The following EXOC2 variants were observed in gnomAD, a reference collection of about 807,000 sequenced individuals.
EXOC2 encodes exocyst complex component 2, also known as SEC5-like 1.
A neutral mutation model predicts 131.8 loss-of-function variants in EXOC2; 70 were observed. The ratio of observed to expected loss-of-function variants is 0.53; its 90% confidence interval spans 0.44 to 0.65. The LOEUF (loss-of-function observed/expected upper bound fraction) is 0.65. Among genes scored for constraint, EXOC2 ranks in the 30% least tolerant of loss-of-function variants. EXOC2 has a pLI of 0.00. For missense variants in EXOC2, 923 were observed against 1,108.6 expected (o/e 0.83, Z 2.38); for synonymous variants, 411 against 398.4 (o/e 1.03, Z -0.38).
chr6:618,839 T>G (rs1761142504), intron 5 of EXOC2, among the ~76,000 whole-genome samples: 1 of 152,370 alleles, frequency 6.6e-6, no homozygotes, highest in Admixed American at 6.5e-5. Context: ...AATAAACCAT[T>G]GATTTATCCA....
chr6:651,647 C>G (rs956034162), intron 1 of EXOC2, among the ~76,000 whole-genome samples: 1 of 144,564 alleles, frequency 6.9e-6, no homozygotes, highest in African/African-American at 2.5e-5. Context: ...AGCAAGACTC[C>G]GTCTCAGAAA....
chr6:567,188 GC>G (rs1247202635), intron 13 of EXOC2, among the ~76,000 whole-genome samples: 1 of 152,220 alleles, frequency 6.6e-6, no homozygotes, highest in Non-Finnish European at 1.5e-5. Context: ...CTGGGATGAA[GC>G]CACTGCCAGC....
intron 25 of EXOC2, 97 bp from the exon 26 acceptor site, chr6:491,283 G>A: frequency 3.1e-6 from 4 of 1,271,216 alleles, no homozygotes; most frequent in Non-Finnish European, 2.3e-6. Flanking sequence ...GCTCATCGTA[G>A]GATGGGGTTG....
intron 23 of EXOC2, among the ~76,000 whole-genome samples, chr6:514,325 A>G (rs182778128): frequency 1.3e-5 from 2 of 152,354 alleles, no homozygotes; most frequent in East Asian, 3.9e-4. Flanking sequence ...TTTGCTGCTT[A>G]CTAAGAGAAG....
rs773603192 is a variant in EXOC2 at position 610,123 on chromosome 6, C to T, written c.717G>A (p.Thr239=). 5.0e-6 allele frequency: 8 copies of T among 1,613,944 alleles called. No individual in the cohort carries two copies. In the Admixed American group the frequency reaches 6.7e-5, roughly 13 times the overall value. ...TGTTCAGAACATTCTCCAGTTTCTG[C>T]GTCATGGATCCTTCTACTTTTTCCG... ...DGTEKVEGSM[T]QKLENVLNRA... The change falls in exon 7 of 28, where the codon ACG becomes ACA. Residue 239 remains threonine (T), a synonymous_variant. Transcript: ENST00000230449.
chr6:512,001 A>G (rs1452065993), intron 23 of EXOC2, among the ~76,000 whole-genome samples: 1 of 152,222 alleles, frequency 6.6e-6, no homozygotes, highest in Non-Finnish European at 1.5e-5. Context: ...TTTATCGTTC[A>G]TTCACAGCTT....
chr6:507,834 C>T (rs984463841), intron 23 of EXOC2, among the ~76,000 whole-genome samples: 4 of 152,156 alleles, frequency 2.6e-5, no homozygotes, highest in African/African-American at 9.7e-5. Flanking sequence ...TTTGGAGAAA[C>T]CTCATTAGAG....
At chr6:589,914 G>A (rs542624170) in intron 11 of EXOC2, among the ~76,000 whole-genome samples, 2 of 152,300 alleles carry the variant, frequency 1.3e-5, no homozygotes, top group South Asian at 4.1e-4. Context: ...AGACCATCCT[G>A]GCTAACACCG....
intron 23 of EXOC2, among the ~76,000 whole-genome samples, chr6:521,107 C>T (rs140210924): frequency 0.069 from 8,739 of 127,430 alleles, 249 homozygotes; most frequent in African/African-American, 0.093. Flanking sequence ...CGTCCACACT[C>T]GGACATGAAA....
chr6:576,990 C>T, intron 11 of EXOC2, 108 bp from the exon 12 acceptor site: 1 of 928,470 alleles, frequency 1.1e-6, no homozygotes, highest in East Asian at 2.8e-5. Flanking sequence ...TCAATTGCTC[C>T]ACTCTTAAAT....
intron 5 of EXOC2, among the ~76,000 whole-genome samples, chr6:618,800 C>T (rs912337006): frequency 2.0e-5 from 3 of 152,184 alleles, no homozygotes; most frequent in African/African-American, 4.8e-5. Context: ...TTTTAACACA[C>T]TAATTTATCA....
intron 1 of EXOC2, among the ~76,000 whole-genome samples, chr6:685,047 G>A (rs1305818131): frequency 1.3e-5 from 2 of 151,900 alleles, no homozygotes; most frequent in Non-Finnish European, 1.5e-5. Flanking sequence ...AACAGGCCAC[G>A]GAAGGCCTCA....
intron 1 of EXOC2, among the ~76,000 whole-genome samples, chr6:690,179 A>C (rs758365734): frequency 4.6e-5 from 7 of 152,064 alleles, no homozygotes; most frequent in Non-Finnish European, 8.8e-5. Flanking sequence ...ACGTAGGAAG[A>C]CCTCACCTCC....
At position 497,405 on chromosome 6, in the gene EXOC2, G is replaced by C. The variant is rs909265509; in HGVS notation, c.2521C>G (p.Gln841Glu). The change falls in exon 25 of 28, where the codon CAG becomes GAG. Residue 841 changes from glutamine to glutamate, a missense_variant. Transcript: ENST00000230449. ...AVSEELSRLM[Q>E]CVSSFSKNGA... ...TTTTTGCTGAAGGATGAAACACACT[G>C]CATCAGTCGACTGAGCTCTTCAGAA... The C allele has an allele frequency of 7.4e-6, 12 of 1,613,996 alleles. No individual in the cohort carries two copies. The highest frequency in any genetic ancestry group is 1.0e-5 in the Non-Finnish European group (12 of 1,179,940).
chr6:664,894 CA>C, intron 1 of EXOC2, among the ~76,000 whole-genome samples: 1 of 152,178 alleles, frequency 6.6e-6, no homozygotes, highest in South Asian at 2.1e-4. Flanking sequence ...GATTTCATGC[CA>C]AGAACCCAAA....
intron 24 of EXOC2, among the ~76,000 whole-genome samples, chr6:499,181 C>T (rs1263963290): frequency 4.6e-5 from 7 of 152,140 alleles, no homozygotes; most frequent in Non-Finnish European, 1.0e-4. Context: ...GTTCCAGTGT[C>T]GGCCTGCCCC....
intron 4 of EXOC2, among the ~76,000 whole-genome samples, chr6:625,518 C>CTTTTTTTTTTTTTTTTT (rs796295514): frequency 2.0e-4 from 22 of 108,036 alleles, no homozygotes; most frequent in Non-Finnish European, 2.9e-4. Context: ...TGTTTCCGTT[C>CTTTTTTTTTTTTTTTTT]TTTTTTTTTT....
chr6:613,642 A>G (rs1005442064), intron 6 of EXOC2, among the ~76,000 whole-genome samples: 3 of 152,164 alleles, frequency 2.0e-5, no homozygotes, highest in African/African-American at 4.8e-5. Flanking sequence ...TTTGATAACC[A>G]TTTGGAGAAC....
intron 22 of EXOC2, among the ~76,000 whole-genome samples, chr6:546,799 T>C (rs1756887359): frequency 6.6e-6 from 1 of 152,256 alleles, no homozygotes. Context: ...TAGGCTGTTT[T>C]ATTCATAAGG....
Sources: allele counts gnomAD v4.1 joint callset (sites outside exome capture counted in the v4.1 genomes callset), GRCh38; gene constraint gnomAD v4.1.1; transcripts MANE v1.5; gene names NCBI Gene and HGNC (gene_info 2026-07-23, HGNC 2026-07-21).